TLE4: variants seen among roughly 807,000 people sequenced by gnomAD.
TLE4 encodes TLE family member 4, transcriptional corepressor.
In TLE4, 8 loss-of-function variants were observed where a neutral mutation model predicts 92.8. The observed-to-expected ratio is 0.09, with a 90% CI of 0.05 to 0.16. TLE4 has a LOEUF of 0.16. TLE4 is among the 10% of genes least tolerant of loss of function. The probability of loss-of-function intolerance (pLI) is 1.00; values close to 1 mark genes in which losing one functional copy is unlikely to be tolerated. For missense variants in TLE4, 675 were observed against 997.6 expected (o/e 0.68, Z 4.36); for synonymous variants, 371 against 374.1 (o/e 0.99, Z 0.10).
chr9:79,677,664 A>G (rs1033871980), intron 8 of TLE4, among the ~76,000 whole-genome samples: 1 of 142,644 alleles, frequency 7.0e-6, no homozygotes, highest in African/African-American at 2.7e-5. Flanking sequence ...ATAATCTGAG[A>G]TGGATTCAAT....
intron 6 of TLE4, among the ~76,000 whole-genome samples, chr9:79,631,097 T>C (rs575036212): frequency 2.8e-4 from 43 of 152,226 alleles, no homozygotes; most frequent in African/African-American, 1.0e-3. Context: ...CAAGAAATGC[T>C]GAACCTCAAT....
chr9:79,629,198 GATTATT>G (rs1482166305), intron 6 of TLE4, among the ~76,000 whole-genome samples: 1 of 152,016 alleles, frequency 6.6e-6, no homozygotes, highest in Admixed American at 6.6e-5. Context: ...AAACAGAATG[GATTATT>G]ATTATTTTTT....
chr9:79,631,968 A>C (rs1028873439), intron 6 of TLE4, among the ~76,000 whole-genome samples: 3 of 152,150 alleles, frequency 2.0e-5, no homozygotes, highest in Non-Finnish European at 4.4e-5. Flanking sequence ...CTTGAAATTA[A>C]ATTTAAAAAT....
chr9:79,696,653 GA>G (rs60974104), intron 8 of TLE4, among the ~76,000 whole-genome samples: 3,917 of 147,978 alleles, frequency 0.026, 104 homozygotes, highest in African/African-American at 0.064. Context: ...CAGTTTACTG[GA>G]AAAAAAAAAT....
intron 5 of TLE4, among the ~76,000 whole-genome samples, chr9:79,619,504 A>G (rs562745733): frequency 4.5e-4 from 69 of 152,338 alleles, no homozygotes; most frequent in Non-Finnish European, 8.2e-4. Context: ...CAGTCGTGCC[A>G]GGTTAACTTG....
intron 4 of TLE4, among the ~76,000 whole-genome samples, chr9:79,586,181 G>A (rs1442829079): frequency 6.6e-6 from 1 of 152,042 alleles, no homozygotes; most frequent in Non-Finnish European, 1.5e-5. Flanking sequence ...GACTGTCCTG[G>A]CCAATGTGGT....
chr9:79,710,506 A>G (rs142004635), intron 14 of TLE4, among the ~76,000 whole-genome samples: 193 of 152,190 alleles, frequency 1.3e-3, no homozygotes, highest in African/African-American at 4.5e-3. Flanking sequence ...GTCACTACAC[A>G]TGCCGTGTAT....
chr9:79,717,282 G>C (rs2074693510), intron 14 of TLE4, among the ~76,000 whole-genome samples: 1 of 152,076 alleles, frequency 6.6e-6, no homozygotes, highest in Non-Finnish European at 1.5e-5. Context: ...TCTTTACTAG[G>C]TAATGCAGTC....
intron 6 of TLE4, among the ~76,000 whole-genome samples, chr9:79,646,835 C>G (rs373094067): frequency 6.6e-6 from 1 of 152,078 alleles, no homozygotes; most frequent in East Asian, 1.9e-4. Context: ...AAAAATTGCT[C>G]CCTTCTACAG....
chr9:79,719,097 G>C (rs1426486829), intron 15 of TLE4, 126 bp downstream of exon 15: 1 of 1,371,344 alleles, frequency 7.3e-7, no homozygotes, highest in Non-Finnish European at 9.7e-7. Context: ...CTCTTCAGGG[G>C]ACTGCGATCT....
rs374542157 is a variant in TLE4, at chr9:79,603,867, C to G, written c.253-8789C>G. On this transcript the variant is annotated intron_variant, in intron 4 of 19. Coordinates refer to ENST00000376552, the MANE Select transcript of TLE4 (RefSeq NM_007005.6). ...AGCTATCTGCCATGGAGCCTACATTCTCTAGAACCTTACTACTAGGGGTCT... is the reference window on the plus strand; with the variant it reads ...AGCTATCTGCCATGGAGCCTACATTGTCTAGAACCTTACTACTAGGGGTCT... Among the ~76,000 whole-genome samples the G allele has an allele frequency of 1.3e-4, 20 of 152,224 alleles. No homozygotes were observed. The East Asian group carries it at 1.7e-3, about 13-fold the overall frequency.
At chr9:79,683,472 A>T (rs1285299549) in intron 8 of TLE4, among the ~76,000 whole-genome samples, 1 of 152,218 alleles carries the variant, frequency 6.6e-6, no homozygotes, top group African/African-American at 2.4e-5. Flanking sequence ...TGCCAATTTT[A>T]CAAAGGCACC....
Position 79,707,221 on chromosome 9 carries a change from A to G in TLE4, c.936+322A>G, listed in dbSNP as rs531223752. 1.2e-4 allele frequency: 198 copies of G among 1,611,594 alleles called. 1 individual carries two copies. In the South Asian group the frequency reaches 2.1e-3, roughly 17 times the overall value. On this transcript the variant is annotated intron_variant, in intron 11 of 19. Transcript: ENST00000376552. ...GGTTTTGTCGCCTGTGGTTTATGGT[A>G]AATTTAGTTTGGGGCTTGAATGTGA...
rs554937105 is a variant in TLE4 at position 79,667,754 on chromosome 9, C to T, written c.609+13679C>T. ...AGGATTTTCTACACGACCCCACCCT[C>T]AATCTGGTCCACATAGTAAAGATTG... is the stretch of plus-strand genomic sequence containing the variant. On this transcript the variant is annotated intron_variant, in intron 8 of 19. Coordinates refer to ENST00000376552, the MANE Select transcript of TLE4 (RefSeq NM_007005.6). 1.6e-4 allele frequency among the ~76,000 whole-genome samples: 24 copies of T among 152,262 alleles called. No homozygotes were observed. The South Asian group carries it at 4.6e-3, about 29-fold the overall frequency.
chr9:79,572,869 G>C, intron 1 of TLE4, 34 bp downstream of exon 1: 4 of 1,583,408 alleles, frequency 2.5e-6, no homozygotes, highest in Non-Finnish European at 3.4e-6. Context: ...GGCTCGCCGG[G>C]TGCTGGGGGA....
chr9:79,631,121 A>G (rs1480266787), intron 6 of TLE4, among the ~76,000 whole-genome samples: 1 of 152,218 alleles, frequency 6.6e-6, no homozygotes, highest in African/African-American at 2.4e-5. Flanking sequence ...TAGCAGTGAC[A>G]TTTTAATGAT....
At position 79,723,415 on chromosome 9, in the gene TLE4, T is replaced by A. The variant is rs147899971; in HGVS notation, c.2214+380T>A. On this transcript the variant is annotated intron_variant, in intron 19 of 19. Transcript: ENST00000376552. Reference sequence around the variant, plus strand: ...CTCTTGTTAGTAGTAGTAGTTTTTTTATTTTATTTTTTCCAAAGAAGAGTG... The same window carrying A: ...CTCTTGTTAGTAGTAGTAGTTTTTTAATTTTATTTTTTCCAAAGAAGAGTG... Among the ~76,000 whole-genome samples, 423 of 152,376 alleles carry A rather than the reference T, an allele frequency of 2.8e-3. 4 individuals are homozygous for A. The highest frequency in any genetic ancestry group is 6.8e-3 in the Middle Eastern group (2 of 294).
At position 79,572,835 on chromosome 9, in the gene TLE4, A is replaced by C; in HGVS notation, c.45A>C (p.Pro15=). The C allele has an allele frequency of 6.3e-7, 1 of 1,595,426 alleles. No individual in the cohort carries two copies. The highest frequency in any genetic ancestry group is 8.5e-7 in the Non-Finnish European group (1 of 1,171,904). ...AGATGTACCCGCAGACCAGACACCCAGTGAGTGCGGGCGGCGGGGCGCGGG... is the reference window on the plus strand; with the variant it reads ...AGATGTACCCGCAGACCAGACACCCCGTGAGTGCGGGCGGCGGGGCGCGGG... ...LSKMYPQTRH[P]APHQPAQPFK... is the part of the protein sequence containing the mutation. The change falls in exon 1 of 20, where the codon CCA becomes CCC. Residue 15 remains proline (P), a splice_region_variant and synonymous_variant. Coordinates refer to ENST00000376552, the MANE Select transcript of TLE4 (RefSeq NM_007005.6).
intron 4 of TLE4, among the ~76,000 whole-genome samples, chr9:79,610,013 C>T (rs2048003707): frequency 6.6e-6 from 1 of 151,998 alleles, no homozygotes; most frequent in South Asian, 2.1e-4. Context: ...GGCTTTTCCT[C>T]CCCTATTGCT....
Sources: allele counts gnomAD v4.1 joint callset (sites outside exome capture counted in the v4.1 genomes callset), GRCh38; gene constraint gnomAD v4.1.1; transcripts MANE v1.5; gene names NCBI Gene and HGNC (gene_info 2026-07-23, HGNC 2026-07-21).